The following SMAD2 variants were observed in gnomAD, a reference collection of about 807,000 sequenced individuals.
SMAD2 encodes SMAD family member 2.
A neutral mutation model predicts 64.4 loss-of-function variants in SMAD2; 8 were observed. The ratio of observed to expected loss-of-function variants is 0.12; its 90% CI spans 0.07 to 0.22. The LOEUF (loss-of-function observed/expected upper bound fraction) is 0.22, where lower values mean the gene tolerates loss of function less well. SMAD2 is among the 10% of genes least tolerant of loss of function. SMAD2 has a pLI of 1.00. For synonymous variants in SMAD2, 203 were observed against 195.8 expected (o/e 1.04, Z -0.31); for missense variants, 289 against 561.2 (o/e 0.51, Z 4.90).
rs548509923 is a variant in SMAD2, at chr18:47,849,163, A to G, written c.785-476T>C. Reference sequence around the variant, plus strand: ...ATACAAAATATGACATATTTTTGACATTTGTCTATTTTAACATCAAACTCT... The same window carrying G: ...ATACAAAATATGACATATTTTTGACGTTTGTCTATTTTAACATCAAACTCT... On this transcript the variant is annotated intron_variant, in intron 7 of 10. Coordinates refer to ENST00000262160, the MANE Select transcript of SMAD2 (RefSeq NM_005901.6). 1.1e-3 allele frequency among the ~76,000 whole-genome samples: 165 copies of G among 152,284 alleles called. 1 individual carries two copies. The highest frequency in any genetic ancestry group is 3.8e-3 in the African/African-American group (156 of 41,574).
At chr18:47,910,844 G>C (rs916452171) in intron 1 of SMAD2, among the ~76,000 whole-genome samples, 1 of 152,124 alleles carries the variant, frequency 6.6e-6, no homozygotes, top group Non-Finnish European at 1.5e-5. Flanking sequence ...ACAGTAGGTC[G>C]TAAGTTTTAG....
intron 6 of SMAD2, among the ~76,000 whole-genome samples, chr18:47,858,969 G>A (rs533815192): frequency 3.9e-4 from 60 of 152,134 alleles, no homozygotes; most frequent in African/African-American, 1.4e-3. Flanking sequence ...GACAAAAATT[G>A]TTAGATTAAA....
intron 2 of SMAD2, among the ~76,000 whole-genome samples, chr18:47,884,414 G>A (rs2032775844): frequency 6.6e-6 from 1 of 152,094 alleles, no homozygotes; most frequent in Non-Finnish European, 1.5e-5. Flanking sequence ...CCAGCAAGTG[G>A]AAGAGACAGA....
intron 2 of SMAD2, among the ~76,000 whole-genome samples, chr18:47,880,154 A>G (rs1049529073): frequency 7.9e-5 from 12 of 152,184 alleles, no homozygotes; most frequent in Non-Finnish European, 1.5e-4. Flanking sequence ...TTGTATACCA[A>G]TGGAGTCTAA....
chr18:47,913,554 T>G (rs927014573), intron 1 of SMAD2, among the ~76,000 whole-genome samples: 2 of 152,216 alleles, frequency 1.3e-5, no homozygotes, highest in African/African-American at 4.8e-5. Context: ...TAAAATAACA[T>G]TTGTTGTAAG....
chr18:47,914,565 T>C (rs1379475883), intron 1 of SMAD2, among the ~76,000 whole-genome samples: 7 of 152,182 alleles, frequency 4.6e-5, no homozygotes. Context: ...AAATTTGGTT[T>C]TAAGAGGTGA....
At chr18:47,864,477 T>G (rs540897925) in intron 6 of SMAD2, among the ~76,000 whole-genome samples, 24 of 152,188 alleles carry the variant, frequency 1.6e-4, no homozygotes, top group Non-Finnish European at 3.4e-4. Flanking sequence ...ACTGGACAAT[T>G]ACAATGACAT....
intron 1 of SMAD2, 130 bp from the exon 2 acceptor site, chr18:47,896,939 C>CA (rs2033463837): frequency 1.3e-6 from 1 of 784,614 alleles, no homozygotes; most frequent in Non-Finnish European, 2.1e-6. Flanking sequence ...TAGACTTCTC[C>CA]ACCCATGAAA....
Position 47,836,939 on chromosome 18 carries a change from C to T in SMAD2, c.*4888G>A. ...ATAAAAAGAACTCAATAGCAGGATT[C>T]TGACTACCTCTGGAGACCACACACT... On this transcript the variant is annotated 3_prime_UTR_variant, in exon 11 of 11. Coordinates refer to ENST00000262160, the MANE Select transcript of SMAD2 (RefSeq NM_005901.6). The T allele has an allele frequency of 4.7e-6, 1 of 211,852 alleles. No homozygotes were observed. Among genetic ancestry groups the T allele is most frequent in the Non-Finnish European group, 9.6e-6 (1 of 104,476 alleles). The allele number at this position is 211,852 out of a possible 1,614,324, so 13.1% of individuals were successfully genotyped here. A position where few individuals can be genotyped will look rare whatever the true frequency, so the allele number is the denominator to read the frequency against.
intron 2 of SMAD2, among the ~76,000 whole-genome samples, chr18:47,881,312 T>TTG (rs755269095): frequency 2.0e-4 from 31 of 152,202 alleles, no homozygotes; most frequent in East Asian, 5.8e-4. Context: ...GCAGAGGTCA[T>TTG]TGTGTGTGTG....
rs1323890552 is a variant in SMAD2 at position 47,820,913 on chromosome 18, ACACACACACACAC to A, written c.*20901_*20913del. 4.4e-5 allele frequency: 2 copies of A among 45,438 alleles called. No individual in the cohort carries two copies. Among genetic ancestry groups the A allele is most frequent in the East Asian group, 2.2e-3 (2 of 898 alleles). 2.8% of individuals were successfully genotyped at this position (45,438 alleles called of 1,614,324 possible). On this transcript the variant is annotated 3_prime_UTR_variant, in exon 11 of 11. Transcript: ENST00000262160. The stretch of plus-strand genomic sequence containing the variant: ...ATGCACTATACACACACACACACAC[ACACACACACACAC>A]ACACACACACACACAAAATTTGGTC...
chr18:47,869,125 ATT>A, intron 4 of SMAD2, 116 bp downstream of exon 4: 1 of 739,930 alleles, frequency 1.4e-6, no homozygotes, highest in East Asian at 2.7e-5. Flanking sequence ...AATATGCACA[ATT>A]TAAGGTAATT....
rs918144124 is a variant in SMAD2 at position 47,829,675 on chromosome 18, G to C, written c.*12152C>G. 2 of 152,238 alleles carry C rather than the reference G, an allele frequency of 1.3e-5. No homozygotes were observed. Among genetic ancestry groups the C allele is most frequent in the Non-Finnish European group, 2.9e-5 (2 of 68,052 alleles). 9.4% of individuals were successfully genotyped at this position (152,238 alleles called of 1,614,324 possible). ...ACGGGAAGCAGTGCATAGGCAGTAT[G>C]AAGTAGACACTTTGGCAAATAAAAA... On this transcript the variant is annotated 3_prime_UTR_variant, in exon 11 of 11. Coordinates refer to ENST00000262160, the MANE Select transcript of SMAD2 (RefSeq NM_005901.6).
intron 6 of SMAD2, among the ~76,000 whole-genome samples, chr18:47,861,330 A>C (rs539738546): frequency 6.6e-6 from 1 of 152,246 alleles, no homozygotes; most frequent in African/African-American, 2.4e-5. Flanking sequence ...TTCTCAAAAA[A>C]CAATCAAACA....
chr18:47,877,127 AT>A (rs1268791111), intron 2 of SMAD2, among the ~76,000 whole-genome samples: 1 of 151,684 alleles, frequency 6.6e-6, no homozygotes, highest in Non-Finnish European at 1.5e-5. Flanking sequence ...TTACTAATTT[AT>A]TATTTTTCAT....
intron 1 of SMAD2, chr18:47,912,389 G>A (rs952092769): frequency 2.0e-5 from 3 of 152,196 alleles, no homozygotes; most frequent in African/African-American, 7.2e-5. Context: ...TAACTGAGTG[G>A]CATGTAATGG....
At position 47,819,954 on chromosome 18, in the gene SMAD2, T is replaced by C. The variant is rs906190193; in HGVS notation, c.*21873A>G. 5 of 151,802 alleles carry C rather than the reference T, an allele frequency of 3.3e-5. No individual in the cohort carries two copies. Among genetic ancestry groups the C allele is most frequent in the African/African-American group, 1.2e-4 (5 of 41,224 alleles). 9.4% of individuals were successfully genotyped at this position (151,802 alleles called of 1,614,324 possible). ...AGTTTGAGGCTGCAGTGTGCTACAATTGTGCCTGTGAACAGCCACTGAACT... is the reference window on the plus strand; with the variant it reads ...AGTTTGAGGCTGCAGTGTGCTACAACTGTGCCTGTGAACAGCCACTGAACT... On this transcript the variant is annotated 3_prime_UTR_variant, in exon 11 of 11. Transcript: ENST00000262160.
In SMAD2 at chr18:47,839,984, C is replaced by T. The variant is rs1913784954; in HGVS notation, c.*1843G>A. On this transcript the variant is annotated 3_prime_UTR_variant, in exon 11 of 11. Coordinates refer to ENST00000262160, the MANE Select transcript of SMAD2 (RefSeq NM_005901.6). ...GTAAGATAATTAAGGGTTAGTGTAACTGCTGTCTCAGCAAAGGCAGGAACT... is the reference window on the plus strand; with the variant it reads ...GTAAGATAATTAAGGGTTAGTGTAATTGCTGTCTCAGCAAAGGCAGGAACT... The T allele has an allele frequency of 1.7e-5, 4 of 233,182 alleles. No individual in the cohort carries two copies. The East Asian group carries it at 2.4e-4, about 14-fold the overall frequency. 14.4% of individuals were successfully genotyped at this position (233,182 alleles called of 1,614,324 possible).
intron 2 of SMAD2, among the ~76,000 whole-genome samples, chr18:47,890,082 T>TATATTC (rs2033120294): frequency 6.6e-6 from 1 of 152,184 alleles, no homozygotes; most frequent in Non-Finnish European, 1.5e-5. Flanking sequence ...CACAAGGGAC[T>TATATTC]TTGAATACCA....
Sources: gnomAD v4.1 joint callset for allele counts (sites outside exome capture counted in the v4.1 genomes callset) on GRCh38, gnomAD v4.1.1 for gene constraint, MANE v1.5 for transcripts, NCBI Gene and HGNC (gene_info 2026-07-23, HGNC 2026-07-21) for gene names.